Variants in SVOP observed in about 807,000 individuals in gnomAD.
SVOP encodes the protein synaptic vesicle 2-related protein.
SVOP carries 17 observed loss-of-function variants against 69.1 expected under a neutral mutation model. The observed-to-expected ratio is 0.25, with a 90% CI of 0.17 to 0.37. SVOP has a LOEUF of 0.37. Ranked by LOEUF, SVOP falls within the 10% of genes least tolerant of loss-of-function variation. The pLI is 1.00. For missense variants in SVOP, 435 were observed against 597.5 expected (o/e 0.73, Z 2.84); for synonymous variants, 238 against 238.6 (o/e 1.00, Z 0.02).
At chr12:109,000,110 A>G (rs1242882284) in intron 1 of SVOP, among the ~76,000 whole-genome samples, 1 of 152,188 alleles carries the variant, frequency 6.6e-6, no homozygotes, top group South Asian at 2.1e-4. Flanking sequence ...TAGACACAAT[A>G]AAAAATGATA....
intron 1 of SVOP, among the ~76,000 whole-genome samples, chr12:108,986,175 T>A (rs2040164897): frequency 6.6e-6 from 1 of 152,204 alleles, no homozygotes; most frequent in African/African-American, 2.4e-5. Flanking sequence ...CCAGCTGTTT[T>A]CTGTGCACTC....
chr12:108,987,137 A>G (rs2040170184), intron 1 of SVOP, among the ~76,000 whole-genome samples: 1 of 152,184 alleles, frequency 6.6e-6, no homozygotes, highest in African/African-American at 2.4e-5. Context: ...GCACCAATCT[A>G]CTTTCTGTCT....
chr12:108,912,435 G>T lies in SVOP; in HGVS notation c.*100C>A. 1 of 1,569,700 alleles carries T rather than the reference G, an allele frequency of 6.4e-7. No individual in the cohort carries two copies. The highest frequency in any genetic ancestry group is 1.2e-5 in the South Asian group (1 of 84,144). On this transcript the variant is annotated 3_prime_UTR_variant, in exon 16 of 16. Coordinates refer to ENST00000610966, the MANE Select transcript of SVOP (RefSeq NM_018711.5). Reference sequence around the variant, plus strand: ...GTTGGTCCAGGTCATACTCTTGGGTGAGTTCTTGATGTCGGCAGTGACAAT... The same window carrying T: ...GTTGGTCCAGGTCATACTCTTGGGTTAGTTCTTGATGTCGGCAGTGACAAT...
intron 1 of SVOP, among the ~76,000 whole-genome samples, chr12:108,985,759 T>G (rs145869528): frequency 6.6e-6 from 1 of 152,278 alleles, no homozygotes; most frequent in East Asian, 1.9e-4. Flanking sequence ...ACACATTTGA[T>G]CCATGTTTTT....
intron 11 of SVOP, among the ~76,000 whole-genome samples, chr12:108,930,155 T>A (rs2039807437): frequency 6.6e-6 from 1 of 152,152 alleles, no homozygotes; most frequent in Admixed American, 6.5e-5. Flanking sequence ...AAAATTCAAA[T>A]TTGCATGGAA....
At chr12:108,961,599 T>C (rs573989031) in intron 5 of SVOP, among the ~76,000 whole-genome samples, 3 of 152,354 alleles carry the variant, frequency 2.0e-5, no homozygotes, top group Non-Finnish European at 4.4e-5. Flanking sequence ...TTTGAGTCAC[T>C]GATGGGAAGC....
intron 1 of SVOP, among the ~76,000 whole-genome samples, chr12:108,984,884 T>C (rs1195575306): frequency 1.3e-5 from 2 of 152,162 alleles, no homozygotes; most frequent in Admixed American, 6.6e-5. Flanking sequence ...TGATACCGAA[T>C]GTGCAAGTCC....
intron 7 of SVOP, among the ~76,000 whole-genome samples, chr12:108,941,854 G>T (rs148083546): frequency 6.6e-6 from 1 of 151,756 alleles, no homozygotes; most frequent in East Asian, 2.0e-4. Flanking sequence ...TAGTAGAGAC[G>T]GGGTTTCACC....
chr12:108,942,657 A>G (rs2039898078), intron 7 of SVOP, among the ~76,000 whole-genome samples: 1 of 152,220 alleles, frequency 6.6e-6, no homozygotes, highest in Non-Finnish European at 1.5e-5. Context: ...AGCAGCCTTC[A>G]TCATACAACT....
chr12:108,987,177 G>A (rs2137441439), intron 1 of SVOP, among the ~76,000 whole-genome samples: 1 of 152,280 alleles, frequency 6.6e-6, no homozygotes, highest in Admixed American at 6.5e-5. Context: ...AGGGATCTCA[G>A]ATAAGTGAAA....
rs141048266 is a variant in SVOP, at chr12:109,006,156, G to A, written c.35+14678C>T. On this transcript the variant is annotated intron_variant, in intron 1 of 15. Coordinates refer to ENST00000610966, the MANE Select transcript of SVOP (RefSeq NM_018711.5). ...CAACTTCTCACTCCTGGATTCAAGC[G>A]ATTCTCCTGCCTCAACCTCCCAAGT... Among the ~76,000 whole-genome samples, 116 of 152,224 alleles carry A rather than the reference G, an allele frequency of 7.6e-4. 1 individual carries two copies. The highest frequency in any genetic ancestry group is 6.8e-3 in the Middle Eastern group (2 of 294).
Position 108,912,271 on chromosome 12 carries a change from G to T in SVOP, c.*264C>A. 1.5e-6 allele frequency: 2 copies of T among 1,358,490 alleles called. No individual in the cohort carries two copies. Among genetic ancestry groups the T allele is most frequent in the Non-Finnish European group, 1.9e-6 (2 of 1,055,458 alleles). 84.2% of individuals were successfully genotyped at this position (1,358,490 alleles called of 1,614,324 possible). A position where few individuals can be genotyped will look rare whatever the true frequency, so the allele number is the denominator to read the frequency against. ...GGCATTACCAGACCCTCCTAATATG[G>T]GTAGTCTTCCCATGTAGATCCACAG... On this transcript the variant is annotated 3_prime_UTR_variant, in exon 16 of 16. Coordinates refer to ENST00000610966, the MANE Select transcript of SVOP (RefSeq NM_018711.5).
chr12:108,950,363 G>A (rs1287574842), intron 6 of SVOP, among the ~76,000 whole-genome samples: 2 of 150,290 alleles, frequency 1.3e-5, no homozygotes, highest in Non-Finnish European at 3.0e-5. Flanking sequence ...ACAGGCATGA[G>A]CCACCATGCC....
At chr12:108,988,581 G>A (rs2040179449) in intron 1 of SVOP, among the ~76,000 whole-genome samples, 1 of 152,020 alleles carries the variant, frequency 6.6e-6, no homozygotes, top group South Asian at 2.1e-4. Context: ...CTATTCCATT[G>A]ATCTGTATGT....
chr12:108,943,600 A>T (rs1429660764), intron 7 of SVOP, among the ~76,000 whole-genome samples: 1 of 5,712 alleles, frequency 1.8e-4, no homozygotes, highest in Non-Finnish European at 4.3e-4. Flanking sequence ...TCTGTCTCAC[A>T]AAAAAAAAAA....
At chr12:108,944,005 C>T (rs2039908489) in intron 7 of SVOP, among the ~76,000 whole-genome samples, 2 of 152,202 alleles carry the variant, frequency 1.3e-5, no homozygotes, top group East Asian at 3.9e-4. Context: ...CCTCAGCCTC[C>T]CAACTAGCTG....
chr12:108,961,175 G>A lies in SVOP; in HGVS notation c.454-128C>T, dbSNP rs1278188511. Reference sequence around the variant, plus strand: ...GCCTACACAACCAAGGGGGTACTGGGTTCCTCTGTATGGGGAGTGCCAACC... The same window carrying A: ...GCCTACACAACCAAGGGGGTACTGGATTCCTCTGTATGGGGAGTGCCAACC... On this transcript the variant is annotated intron_variant, in intron 5 of 15. Transcript: ENST00000610966. 7 of 1,228,214 alleles carry A rather than the reference G, an allele frequency of 5.7e-6. No homozygotes were observed. In the African/African-American group the frequency reaches 1.1e-4, roughly 19 times the overall value. 76.1% of individuals were successfully genotyped at this position (1,228,214 alleles called of 1,614,324 possible). A position where few individuals can be genotyped will look rare whatever the true frequency, so the allele number is the denominator to read the frequency against.
chr12:108,999,444 G>C (rs1312300999), intron 1 of SVOP, among the ~76,000 whole-genome samples: 47 of 145,016 alleles, frequency 3.2e-4, no homozygotes, highest in African/African-American at 1.1e-3. Flanking sequence ...ATTGAACTCA[G>C]CTCTGCACCA....
intron 1 of SVOP, among the ~76,000 whole-genome samples, chr12:109,008,681 C>A (rs2040323865): frequency 6.6e-6 from 1 of 152,042 alleles, no homozygotes. Context: ...AACCCTCATG[C>A]CCTAGGAGGT....
Sources: gnomAD v4.1 joint callset for allele counts (sites outside exome capture counted in the v4.1 genomes callset) on GRCh38, gnomAD v4.1.1 for gene constraint, MANE v1.5 for transcripts, NCBI Gene and HGNC (gene_info 2026-07-23, HGNC 2026-07-21) for gene names.